SHISA9: variants seen among roughly 807,000 people sequenced by gnomAD.
The protein encoded by SHISA9 is protein shisa-9.
SHISA9 carries 13 observed loss-of-function variants against 38.0 expected under a neutral mutation model. The observed-to-expected ratio is 0.34, with a 90% CI of 0.22 to 0.54. The LOEUF (loss-of-function observed/expected upper bound fraction) is 0.54. Ranked by LOEUF, SHISA9 falls within the 20% of genes least tolerant of loss-of-function variation. The probability of loss-of-function intolerance (pLI) is 0.91; values close to 1 mark genes in which losing one functional copy is unlikely to be tolerated. For synonymous variants in SHISA9, 275 were observed against 242.0 expected, an observed-to-expected ratio of 1.14 and a Z score of -1.27; for missense variants, 538 against 575.8, an observed-to-expected ratio of 0.93 and a Z score of 0.67.
At chr16:13,208,443 C>CTTTTTTTTTTTT (rs71395107) in intron 3 of SHISA9, among the ~76,000 whole-genome samples, 23 of 125,042 alleles carry the variant, frequency 1.8e-4, no homozygotes, top group East Asian at 6.8e-4. Flanking sequence ...CTTTTTTTTT[C>CTTTTTTTTTTTT]TTTTTTTTTT....
intron 2 of SHISA9, among the ~76,000 whole-genome samples, chr16:13,070,430 G>A (rs886137221): frequency 1.3e-5 from 2 of 152,156 alleles, no homozygotes; most frequent in Admixed American, 1.3e-4. Flanking sequence ...CTCTGGGTTG[G>A]CGGGCAGATT....
chr16:13,189,331 T>C (rs1486386629), intron 2 of SHISA9, among the ~76,000 whole-genome samples: 3 of 152,190 alleles, frequency 2.0e-5, no homozygotes, highest in Non-Finnish European at 4.4e-5. Context: ...GGCTCAATGC[T>C]GAACCTCCAG....
At chr16:13,288,907 C>T in the SHISA9 span, among the ~76,000 whole-genome samples, 1 of 152,138 alleles carries the variant, frequency 6.6e-6, no homozygotes, top group Non-Finnish European at 1.5e-5. Context: ...TTAAAGACCC[C>T]ATCTCCAATA....
the SHISA9 span, among the ~76,000 whole-genome samples, chr16:13,542,280 A>G: frequency 6.6e-6 from 1 of 152,220 alleles, no homozygotes; most frequent in Non-Finnish European, 1.5e-5. Flanking sequence ...ATTTGTGGTC[A>G]TTTATCACAG....
the SHISA9 span, among the ~76,000 whole-genome samples, chr16:13,436,123 G>T: frequency 6.6e-6 from 1 of 152,090 alleles, no homozygotes; most frequent in African/African-American, 2.4e-5. Context: ...ATACAGACTG[G>T]GTAAAATAAG....
chr16:12,911,983 G>T (rs1157466989), intron 1 of SHISA9, among the ~76,000 whole-genome samples: 1 of 152,152 alleles, frequency 6.6e-6, no homozygotes, highest in Non-Finnish European at 1.5e-5. Flanking sequence ...CATCCCCTTT[G>T]GGGGCACATA....
At chr16:12,993,570 G>C (rs2072417482) in intron 2 of SHISA9, among the ~76,000 whole-genome samples, 1 of 152,120 alleles carries the variant, frequency 6.6e-6, no homozygotes, top group Non-Finnish European at 1.5e-5. Context: ...ACCAATTACT[G>C]AGCATCTACC....
At chr16:13,386,475 T>A in the SHISA9 span, among the ~76,000 whole-genome samples, 1 of 152,316 alleles carries the variant, frequency 6.6e-6, no homozygotes, top group South Asian at 2.1e-4. Context: ...AGTAACTTAA[T>A]TTCTCTGCCT....
the SHISA9 span, among the ~76,000 whole-genome samples, chr16:13,423,395 C>G: frequency 6.6e-6 from 1 of 151,950 alleles, no homozygotes; most frequent in East Asian, 1.9e-4. Flanking sequence ...AAGAAATAAC[C>G]CCTGTAATCT....
chr16:13,418,571 G>A, the SHISA9 span, among the ~76,000 whole-genome samples: 3 of 152,142 alleles, frequency 2.0e-5, no homozygotes, highest in Non-Finnish European at 2.9e-5. Flanking sequence ...CCAGTATGGC[G>A]GTCTTATGTT....
the SHISA9 span, among the ~76,000 whole-genome samples, chr16:13,393,395 C>G: frequency 6.6e-6 from 1 of 152,224 alleles, no homozygotes; most frequent in Non-Finnish European, 1.5e-5. Flanking sequence ...CCAACTTTCC[C>G]TCTTTCGATC....
At chr16:13,127,092 A>G (rs1596666757) in intron 2 of SHISA9, among the ~76,000 whole-genome samples, 2 of 137,880 alleles carry the variant, frequency 1.5e-5, no homozygotes, top group African/African-American at 5.4e-5. Context: ...CAGCTGAGGG[A>G]AGGAAAGAGA....
chr16:13,426,433 C>T, the SHISA9 span, among the ~76,000 whole-genome samples: 7 of 152,122 alleles, frequency 4.6e-5, no homozygotes, highest in Non-Finnish European at 4.4e-5. Context: ...CACCAAAGAG[C>T]GTCTGCATCT....
At chr16:13,137,033 C>T (rs1017552221) in intron 2 of SHISA9, among the ~76,000 whole-genome samples, 5 of 152,190 alleles carry the variant, frequency 3.3e-5, no homozygotes, top group Non-Finnish European at 7.3e-5. Context: ...GAAGTGATGA[C>T]ACACATGATA....
chr16:13,232,109 A>G lies in SHISA9; in HGVS notation c.896-2921A>G, dbSNP rs183079632. 5.7e-3 allele frequency among the ~76,000 whole-genome samples: 872 copies of G among 152,344 alleles called. 4 individuals are homozygous for G. The highest frequency in any genetic ancestry group is 0.011 in the Admixed American group (161 of 15,310). ...TGGTTCCTGCCCTGCTGGGGTGGACATTCTAGTAGGGAGGCAGGCATTCTT... is the reference window on the plus strand; with the variant it reads ...TGGTTCCTGCCCTGCTGGGGTGGACGTTCTAGTAGGGAGGCAGGCATTCTT... On this transcript the variant is annotated intron_variant, in intron 4 of 4. Coordinates refer to ENST00000558583, the MANE Select transcript of SHISA9 (RefSeq NM_001145204.3).
chr16:13,240,550 G>A (rs1297954506), downstream of SHISA9: 1 of 152,138 alleles, frequency 6.6e-6, no homozygotes, highest in African/African-American at 2.4e-5. Flanking sequence ...TCCGGCAAAG[G>A]CAATTTCTAG....
intron 2 of SHISA9, among the ~76,000 whole-genome samples, chr16:12,936,139 C>T (rs576050002): frequency 2.8e-4 from 43 of 152,204 alleles, no homozygotes; most frequent in African/African-American, 8.7e-4. Flanking sequence ...GCAGGTGCTT[C>T]GTTGGGTTCT....
chr16:13,461,601 ACTTT>A, the SHISA9 span, among the ~76,000 whole-genome samples: 6 of 140,198 alleles, frequency 4.3e-5, no homozygotes, highest in Non-Finnish European at 9.2e-5. Flanking sequence ...AGATTTATAG[ACTTT>A]CTTTTTTTTT....
Position 12,902,430 on chromosome 16 carries a change from C to G in SHISA9, c.366C>G (p.Asn122Lys). Residue 122 changes from asparagine to lysine, a missense_variant, in exon 1 of 5, where the codon AAC (asparagine) becomes AAG (lysine). Coordinates refer to ENST00000558583, the MANE Select transcript of SHISA9 (RefSeq NM_001145204.3). Reference sequence around the variant, plus strand: ...GACTGAACCAAAGCACCTGCACCAACTACGACACGCCGCTCTGGCTCAACA... The same window carrying G: ...GACTGAACCAAAGCACCTGCACCAAGTACGACACGCCGCTCTGGCTCAACA... ...KRRLNQSTCT[N>K]YDTPLWLNTG... 1 of 1,551,350 alleles carries G rather than the reference C, an allele frequency of 6.4e-7. No individual in the cohort carries two copies. Among genetic ancestry groups the G allele is most frequent in the Non-Finnish European group, 8.7e-7 (1 of 1,146,990 alleles).
Sources: allele counts gnomAD v4.1 joint callset (sites outside exome capture counted in the v4.1 genomes callset), GRCh38; gene constraint gnomAD v4.1.1; transcripts MANE v1.5; gene names NCBI Gene and HGNC (gene_info 2026-07-23, HGNC 2026-07-21).